Variants in IPO8 observed in about 807,000 individuals in gnomAD.
IPO8 encodes importin 8.
In IPO8, 65 loss-of-function variants were observed where a neutral mutation model predicts 141.2. That is an observed-to-expected ratio of 0.46 (90% confidence interval 0.38 to 0.57). IPO8 has a LOEUF of 0.57. IPO8 is among the 20% of genes least tolerant of loss of function. IPO8 has a pLI of 0.00. For missense variants in IPO8, 980 were observed against 1,246.8 expected (o/e 0.79, Z 3.22); for synonymous variants, 411 against 420.3 (o/e 0.98, Z 0.27).
intron 6 of IPO8, 97 bp downstream of exon 6, chr12:30,676,400 TA>T: frequency 1.9e-6 from 1 of 533,656 alleles, no homozygotes; most frequent in Non-Finnish European, 3.3e-6. Context: ...ATTAAAGTAG[TA>T]AATTTTTTCA....
In IPO8 at chr12:30,630,611, G is replaced by T. The variant is rs138963675; in HGVS notation, c.*249C>A. On this transcript the variant is annotated 3_prime_UTR_variant, in exon 25 of 25. Transcript: ENST00000256079. Reference sequence around the variant, plus strand: ...GGGCATTCAGCCTTTGGAACATATGGGTTGTCCTTTTCCGTCCAATGATTG... The same window carrying T: ...GGGCATTCAGCCTTTGGAACATATGTGTTGTCCTTTTCCGTCCAATGATTG... 4.5e-4 allele frequency: 211 copies of T among 473,498 alleles called. No individual in the cohort carries two copies. Among genetic ancestry groups the T allele is most frequent in the African/African-American group, 3.8e-3 (191 of 49,982 alleles). The allele number at this position is 473,498 out of a possible 1,614,324, so 29.3% of individuals were successfully genotyped here.
chr12:30,653,844 C>T (rs1393231356), intron 17 of IPO8, among the ~76,000 whole-genome samples: 1 of 151,890 alleles, frequency 6.6e-6, no homozygotes, highest in Non-Finnish European at 1.5e-5. Flanking sequence ...ATTAAGGTTT[C>T]TCTAACATTA....
chr12:30,690,642 C>A (rs1423421301), intron 1 of IPO8, 65 bp from the exon 2 acceptor site: 1 of 821,192 alleles, frequency 1.2e-6, no homozygotes, highest in Non-Finnish European at 2.0e-6. Flanking sequence ...TAAGTTAGCA[C>A]CGGTTACTGA....
At chr12:30,634,559 T>G (rs754876403) in intron 22 of IPO8, among the ~76,000 whole-genome samples, 26 of 152,174 alleles carry the variant, frequency 1.7e-4, no homozygotes, top group Non-Finnish European at 3.2e-4. Context: ...CCTAAACCTG[T>G]TATCCAGATG....
intron 19 of IPO8, among the ~76,000 whole-genome samples, chr12:30,650,195 C>G (rs2052706670): frequency 6.6e-6 from 1 of 151,740 alleles, no homozygotes; most frequent in Admixed American, 6.6e-5. Context: ...CATTTAAAAA[C>G]TCAGATTAGA....
At chr12:30,643,081 A>G (rs10771748) in intron 20 of IPO8, among the ~76,000 whole-genome samples, 84,978 of 152,066 alleles carry the variant, frequency 0.56, 24,674 homozygotes, top group African/African-American at 0.71. Flanking sequence ...CTGTTTCTCA[A>G]AGTAGCCTGA....
Sources: allele counts gnomAD v4.1 joint callset (sites outside exome capture counted in the v4.1 genomes callset), GRCh38; gene constraint gnomAD v4.1.1; transcripts MANE v1.5; gene names NCBI Gene and HGNC (gene_info 2026-07-23, HGNC 2026-07-21).